Variants in METTL15 observed in about 807,000 individuals in gnomAD.
METTL15 encodes the protein methyltransferase 15, mitochondrial 12S rRNA N4-cytidine, also known as 12S rRNA N(4)-cytidine methyltransferase METTL15.
In METTL15, 34 loss-of-function variants were observed where a neutral mutation model predicts 38.3. That is an observed-to-expected ratio of 0.89 (90% CI 0.68 to 1.18). The LOEUF is 1.18. Ranked by LOEUF, METTL15 falls within the 50% of genes most tolerant of loss-of-function variation. The pLI is 0.00. For missense variants in METTL15, 438 were observed against 498.4 expected, an observed-to-expected ratio of 0.88 and a Z score of 1.15; for synonymous variants, 162 against 170.9, an observed-to-expected ratio of 0.95 and a Z score of 0.41.
chr11:28,209,302 G>A (rs1852519675), intron 3 of METTL15, among the ~76,000 whole-genome samples: 1 of 151,810 alleles, frequency 6.6e-6, no homozygotes, highest in African/African-American at 2.4e-5. Flanking sequence ...AGTAGTTTAT[G>A]GTTTTGCCTT....
chr11:28,416,866 A>G (rs754630975), intron 5 of METTL15, among the ~76,000 whole-genome samples: 20 of 152,200 alleles, frequency 1.3e-4, no homozygotes, highest in Non-Finnish European at 2.9e-4. Flanking sequence ...TGGTCTTTAC[A>G]GTTTCTATTA....
At chr11:28,167,932 G>A (rs1329404809) in intron 3 of METTL15, among the ~76,000 whole-genome samples, 1 of 151,738 alleles carries the variant, frequency 6.6e-6, no homozygotes, top group Non-Finnish European at 1.5e-5. Flanking sequence ...AAATTGCATT[G>A]ATTTTATAAA....
At chr11:28,525,870 C>T (rs540587223) in intron 6 of METTL15, among the ~76,000 whole-genome samples, 47 of 152,350 alleles carry the variant, frequency 3.1e-4, no homozygotes, top group African/African-American at 1.1e-3. Flanking sequence ...TGGGGAGGCT[C>T]AGGCCACACA....
intron 6 of METTL15, among the ~76,000 whole-genome samples, chr11:28,447,469 A>G (rs972732550): frequency 3.3e-5 from 5 of 152,136 alleles, no homozygotes; most frequent in African/African-American, 1.2e-4. Flanking sequence ...CACTGTGGGG[A>G]GTCCTGGTGA....
chr11:28,164,482 A>C (rs913943540), intron 3 of METTL15, among the ~76,000 whole-genome samples: 2 of 152,052 alleles, frequency 1.3e-5, no homozygotes, highest in African/African-American at 4.8e-5. Flanking sequence ...TTAGCCATAC[A>C]TGATTTTCTT....
chr11:28,324,938 A>G (rs1352954944), intron 6 of METTL15, among the ~76,000 whole-genome samples: 1 of 152,132 alleles, frequency 6.6e-6, no homozygotes, highest in East Asian at 1.9e-4. Context: ...CCTTTATTTC[A>G]GCTGTTTGCT....
At chr11:28,123,182 T>C (rs1209360246) in intron 3 of METTL15, among the ~76,000 whole-genome samples, 2 of 152,086 alleles carry the variant, frequency 1.3e-5, no homozygotes, top group African/African-American at 4.8e-5. Flanking sequence ...CTAAAGCACA[T>C]ACACACGAGT....
intron 5 of METTL15, among the ~76,000 whole-genome samples, chr11:28,403,597 A>G (rs1377763700): frequency 1.3e-5 from 2 of 152,010 alleles, no homozygotes; most frequent in Admixed American, 6.6e-5. Context: ...TAGGTGGAAT[A>G]TTGCCCAATT....
intron 6 of METTL15, among the ~76,000 whole-genome samples, chr11:28,520,965 A>G (rs1398462963): frequency 6.6e-6 from 1 of 151,736 alleles, no homozygotes; most frequent in Non-Finnish European, 1.5e-5. Flanking sequence ...GGCCTTGGCC[A>G]GTTTTAAGAA....
intron 5 of METTL15, among the ~76,000 whole-genome samples, chr11:28,409,682 A>T (rs951930756): frequency 6.6e-6 from 1 of 152,074 alleles, no homozygotes. Context: ...AAAGAAGAAA[A>T]ATACCTCAAA....
intron 3 of METTL15, among the ~76,000 whole-genome samples, chr11:28,150,760 G>T (rs1331553150): frequency 6.6e-6 from 1 of 151,780 alleles, no homozygotes; most frequent in East Asian, 1.9e-4. Flanking sequence ...GAAAATCATT[G>T]CTGCCTTTTC....
chr11:28,324,699 T>C (rs1849574899), intron 6 of METTL15, among the ~76,000 whole-genome samples: 1 of 152,204 alleles, frequency 6.6e-6, no homozygotes, highest in Non-Finnish European at 1.5e-5. Flanking sequence ...TTTTTGTGAC[T>C]AAAATTGTGA....
At chr11:28,299,388 C>G (rs770580017) in intron 6 of METTL15, among the ~76,000 whole-genome samples, 5 of 152,066 alleles carry the variant, frequency 3.3e-5, no homozygotes, top group Admixed American at 1.3e-4. Context: ...TCACCTTTAA[C>G]AAGAGTTTCC....
intron 6 of METTL15, among the ~76,000 whole-genome samples, chr11:28,507,222 A>C (rs1851635576): frequency 6.6e-6 from 1 of 152,336 alleles, no homozygotes; most frequent in Admixed American, 6.5e-5. Context: ...CTGTACAGGA[A>C]GCATGGCTGG....
intron 6 of METTL15, among the ~76,000 whole-genome samples, chr11:28,430,845 G>A (rs1850917666): frequency 9.1e-6 from 1 of 110,036 alleles, no homozygotes. Context: ...TGGTCCGGGA[G>A]GGAGGTGGGG....
At chr11:28,493,221 G>C (rs1851510566) in intron 6 of METTL15, among the ~76,000 whole-genome samples, 1 of 152,040 alleles carries the variant, frequency 6.6e-6, no homozygotes. Context: ...AAATCAGTTG[G>C]CCCTGGACCC....
intron 3 of METTL15, among the ~76,000 whole-genome samples, chr11:28,187,672 A>C (rs757701795): frequency 6.6e-6 from 1 of 150,858 alleles, no homozygotes; most frequent in Non-Finnish European, 1.5e-5. Context: ...ATAAATGAAT[A>C]TGTTTATGTT....
At chr11:28,420,840 G>A (rs377577755) in intron 5 of METTL15, among the ~76,000 whole-genome samples, 9 of 151,904 alleles carry the variant, frequency 5.9e-5, no homozygotes, top group African/African-American at 2.2e-4. Flanking sequence ...CAAATCCAAA[G>A]TTAGTAGAAG....
chr11:28,207,950 G>A (rs945300306), intron 3 of METTL15, among the ~76,000 whole-genome samples: 1 of 152,106 alleles, frequency 6.6e-6, no homozygotes, highest in Non-Finnish European at 1.5e-5. Context: ...GGGATCTGTG[G>A]TGATATCCCC....
Sources: gnomAD v4.1 joint callset for allele counts (sites outside exome capture counted in the v4.1 genomes callset) on GRCh38, gnomAD v4.1.1 for gene constraint, MANE v1.5 for transcripts, NCBI Gene and HGNC (gene_info 2026-07-23, HGNC 2026-07-21) for gene names.